The following GUK1 variants were observed in gnomAD, a reference collection of about 807,000 sequenced individuals.
The protein encoded by GUK1 is guanylate kinase 1, also known as guanylate kinase.
Under a neutral mutation model 25.2 loss-of-function variants are expected in GUK1, and 18 were observed. The observed-to-expected ratio is 0.71, with a 90% CI of 0.49 to 1.06. GUK1 has a LOEUF of 1.06. Among genes scored for constraint, GUK1 ranks in the 50% least tolerant of loss-of-function variants. The pLI is 0.00. For synonymous variants in GUK1, 105 were observed against 117.6 expected (o/e 0.89, Z 0.69); for missense variants, 261 against 276.7 (o/e 0.94, Z 0.40).
intron 2 of GUK1, among the ~76,000 whole-genome samples, chr1:228,142,570 G>A (rs1207425944): frequency 1.3e-5 from 2 of 152,120 alleles, no homozygotes; most frequent in Non-Finnish European, 2.9e-5. Flanking sequence ...GAGGAAACAG[G>A]CGGGGTTGGG....
intron 2 of GUK1, chr1:228,141,443 G>A: frequency 3.2e-6 from 1 of 313,480 alleles, no homozygotes; most frequent in Non-Finnish European, 4.7e-6. Context: ...AAGAGCAGCC[G>A]CCTGGACCAC....
chr1:228,147,938 T>G (rs1168749099), intron 7 of GUK1, among the ~76,000 whole-genome samples: 1 of 152,018 alleles, frequency 6.6e-6, no homozygotes, highest in Non-Finnish European at 1.5e-5. Context: ...ACCCAGAGTC[T>G]CCGTGAGGGC....
At position 228,148,856 on chromosome 1, in the gene GUK1, C is replaced by G. The variant is rs779323219; in HGVS notation, c.*159C>G. The G allele has an allele frequency of 7.2e-6, 11 of 1,529,184 alleles. No individual in the cohort carries two copies. The South Asian group carries it at 1.3e-4, about 18-fold the overall frequency. 94.7% of individuals were successfully genotyped at this position (1,529,184 alleles called of 1,614,324 possible). On this transcript the variant is annotated 3_prime_UTR_variant, in exon 9 of 9. Coordinates refer to ENST00000312726, the MANE Select transcript of GUK1 (RefSeq NM_000858.7). Reference sequence around the variant, plus strand: ...TGGTTGGAACATCCTGGGGTGACCCCCGACCCAGCCTCGCTGGGCTGTCCC... The same window carrying G: ...TGGTTGGAACATCCTGGGGTGACCCGCGACCCAGCCTCGCTGGGCTGTCCC...
intron 2 of GUK1, chr1:228,145,162 A>G (rs2034296315): frequency 6.1e-6 from 1 of 163,820 alleles, no homozygotes; most frequent in Non-Finnish European, 1.3e-5. Flanking sequence ...GCTCCCAGGT[A>G]GGGTGTCATC....
At chr1:228,144,679 C>T in intron 2 of GUK1, 1 of 978,312 alleles carries the variant, frequency 1.0e-6, no homozygotes, top group Non-Finnish European at 1.2e-6. Flanking sequence ...ATTAGGGACT[C>T]AGCACCCCCA....
In GUK1 at chr1:228,141,723, GTCCAGGGAGCGTTCTGGCAGAGACCAT is replaced by G. The variant is rs769632811; in HGVS notation, c.-3+439_-3+465del. 104 of 1,323,528 alleles carry G rather than the reference GTCCAGGGAGCGTTCTGGCAGAGACCAT, an allele frequency of 7.9e-5. No homozygotes were observed. The African/African-American group carries it at 1.3e-3, about 17-fold the overall frequency. 82.0% of individuals were successfully genotyped at this position (1,323,528 alleles called of 1,614,324 possible). A position where few individuals can be genotyped will look rare whatever the true frequency, so the allele number is the denominator to read the frequency against. On this transcript the variant is annotated intron_variant, in intron 2 of 8. Transcript: ENST00000312726. Reference sequence around the variant, plus strand: ...GCTGCTGGGGCAGCATGGGAGCCCAGTCCAGGGAGCGTTCTGGCAGAGACCATTCCGGAACATGGATCTGCGCCGGCG... The same window carrying G: ...GCTGCTGGGGCAGCATGGGAGCCCAGTCCGGAACATGGATCTGCGCCGGCG...
intron 2 of GUK1, among the ~76,000 whole-genome samples, chr1:228,143,105 G>A (rs2034152452): frequency 1.3e-5 from 2 of 152,166 alleles, no homozygotes; most frequent in South Asian, 4.1e-4. Flanking sequence ...GGGAGGCCTG[G>A]TCAGTGGAGG....
intron 3 of GUK1, 28 bp downstream of exon 2, chr1:228,145,652 G>A (rs766701509): frequency 6.2e-7 from 1 of 1,606,596 alleles, no homozygotes; most frequent in Non-Finnish European, 8.5e-7. Context: ...GTGGAGGGGT[G>A]CGTAGACCTC....
At chr1:228,146,169 A>G in intron 4 of GUK1, 102 bp downstream of exon 3, 3 of 757,082 alleles carry the variant, frequency 4.0e-6, no homozygotes, top group Non-Finnish European at 6.9e-6. Context: ...TGCCCCCATC[A>G]ATCCCTAATC....
rs912246654 is a variant in GUK1 at position 228,145,757 on chromosome 1, C to T, written c.112+133C>T. On this transcript the variant is annotated intron_variant, in intron 3 of 8. Coordinates refer to ENST00000312726, the MANE Select transcript of GUK1 (RefSeq NM_000858.7). ...CAGACTGTCCGAACTCTTGCACACT[C>T]CCCCCCACACAGAACCTGAGGTTAT... 258 of 1,046,718 alleles carry T rather than the reference C, an allele frequency of 2.5e-4. 1 individual carries two copies. The Middle Eastern group carries it at 3.2e-3, about 13-fold the overall frequency. The allele number at this position is 1,046,718 out of a possible 1,614,324, so 64.8% of individuals were successfully genotyped here. A position where few individuals can be genotyped will look rare whatever the true frequency, so the allele number is the denominator to read the frequency against.
At chr1:228,140,711 C>T (rs2033997661) in intron 1 of GUK1, among the ~76,000 whole-genome samples, 1 of 152,260 alleles carries the variant, frequency 6.6e-6, no homozygotes, top group African/African-American at 2.4e-5. Context: ...GCTGGCCCGG[C>T]GCGGTGTGCG....
At chr1:228,146,180 T>C in intron 4 of GUK1, 113 bp downstream of exon 3, 1 of 714,094 alleles carries the variant, frequency 1.4e-6, no homozygotes, top group Non-Finnish European at 2.5e-6. Flanking sequence ...ATCCCTAATC[T>C]GTGAGATGGG....
At chr1:228,146,317 G>A in intron 4 of GUK1, 1 of 553,086 alleles carries the variant, frequency 1.8e-6, no homozygotes, top group Non-Finnish European at 3.2e-6. Flanking sequence ...CTTGGAGGCG[G>A]CCACAGTGCT....
chr1:228,148,266 G>T (rs768031161), intron 7 of GUK1, 105 bp from the exon 7 acceptor site: 3 of 845,008 alleles, frequency 3.6e-6, no homozygotes, highest in Non-Finnish European at 6.1e-6. Flanking sequence ...TCCCACAGCC[G>T]CAGTGAGGAC....
At chr1:228,141,533 G>A (rs149640429) in intron 2 of GUK1, 7 of 659,924 alleles carry the variant, frequency 1.1e-5, no homozygotes, top group African/African-American at 4.0e-5. Flanking sequence ...GAGGCCAGGC[G>A]GGGGCTGAAT....
intron 2 of GUK1, among the ~76,000 whole-genome samples, chr1:228,142,903 G>C (rs1318040507): frequency 6.6e-6 from 1 of 151,910 alleles, no homozygotes; most frequent in East Asian, 2.0e-4. Context: ...AACTCCCAGA[G>C]TTTTTGGCGA....
At chr1:228,146,746 AG>A in intron 4 of GUK1, 95 bp from the exon 4 acceptor site, 1 of 796,592 alleles carries the variant, frequency 1.3e-6, no homozygotes, top group Non-Finnish European at 2.3e-6. Context: ...TGGGTGTGGG[AG>A]GGGCCTGCAG....
chr1:228,143,734 C>A (rs1182259184), intron 2 of GUK1, among the ~76,000 whole-genome samples: 1 of 152,200 alleles, frequency 6.6e-6, no homozygotes, highest in African/African-American at 2.4e-5. Context: ...GGTGGCAGGG[C>A]TGGGTGAGCA....
At chr1:228,141,104 A>G (rs1304136506) in intron 1 of GUK1, 2 of 983,486 alleles carry the variant, frequency 2.0e-6, no homozygotes, top group South Asian at 4.7e-5. Flanking sequence ...CTTTGGGCTC[A>G]TGGCCCCTTC....
Sources: allele counts gnomAD v4.1 joint callset (sites outside exome capture counted in the v4.1 genomes callset), GRCh38; gene constraint gnomAD v4.1.1; transcripts MANE v1.5; gene names NCBI Gene and HGNC (gene_info 2026-07-23, HGNC 2026-07-21).